The following CERS6 variants were observed in gnomAD, a reference collection of about 807,000 sequenced individuals.
CERS6 encodes the protein ceramide synthase 6, also known as LAG1 homolog, ceramide synthase 6.
Under a neutral mutation model 56.8 loss-of-function variants are expected in CERS6, and 26 were observed. The observed-to-expected ratio is 0.46, with a 90% CI of 0.34 to 0.63. The LOEUF is 0.63. Ranked by LOEUF, CERS6 falls within the 30% of genes least tolerant of loss-of-function variation. The pLI, the probability that CERS6 is intolerant of heterozygous loss-of-function variation, is 0.01. For synonymous variants in CERS6, 164 were observed against 173.3 expected, an observed-to-expected ratio of 0.95 and a Z score of 0.42; for missense variants, 415 against 467.5, an observed-to-expected ratio of 0.89 and a Z score of 1.04.
chr2:168,534,901 C>T (rs1695232572), intron 1 of CERS6, among the ~76,000 whole-genome samples: 1 of 152,188 alleles, frequency 6.6e-6, no homozygotes, highest in African/African-American at 2.4e-5. Flanking sequence ...CAAGGAGATC[C>T]GTATTCTGTC....
Position 168,456,349 on chromosome 2 carries a change from CACA to C in CERS6, c.-99_-97del. 1 of 844,682 alleles carries C rather than the reference CACA, an allele frequency of 1.2e-6. No homozygotes were observed. Among genetic ancestry groups the C allele is most frequent in the Non-Finnish European group, 1.6e-6 (1 of 641,262 alleles). 52.3% of individuals were successfully genotyped at this position (844,682 alleles called of 1,614,324 possible). On this transcript the variant is annotated 5_prime_UTR_variant, in exon 1 of 10. Transcript: ENST00000305747. This position sits in a 1 kb window ranked among gnomAD's most constrained non-coding sequence, Gnocchi z 4.1. Reference sequence around the variant, plus strand: ...CGGGCGGGAGCAGCGGCGGCGGCGGCACAGGCTCGGGGCCAGCCGGGCGCGCAT... The same window carrying C: ...CGGGCGGGAGCAGCGGCGGCGGCGGCGGCTCGGGGCCAGCCGGGCGCGCAT...
At chr2:168,693,612 A>T (rs1351623332) in intron 5 of CERS6, among the ~76,000 whole-genome samples, 1 of 152,144 alleles carries the variant, frequency 6.6e-6, no homozygotes, top group Non-Finnish European at 1.5e-5. Flanking sequence ...TAGGAAGTGT[A>T]TTCTACTCAG....
At chr2:168,586,647 G>A (rs1040265498) in intron 3 of CERS6, among the ~76,000 whole-genome samples, 9 of 152,040 alleles carry the variant, frequency 5.9e-5, no homozygotes, top group Non-Finnish European at 1.2e-4. Context: ...TTGTCCATAA[G>A]TTTCACACGT....
At chr2:168,531,852 C>T (rs531616081) in intron 1 of CERS6, among the ~76,000 whole-genome samples, 1 of 151,638 alleles carries the variant, frequency 6.6e-6, no homozygotes, top group South Asian at 2.1e-4. Context: ...GTGACCACCA[C>T]AGACGAGGGC....
chr2:168,663,235 G>C (rs929128551), intron 4 of CERS6, among the ~76,000 whole-genome samples: 1 of 152,014 alleles, frequency 6.6e-6, no homozygotes, highest in African/African-American at 2.4e-5. Flanking sequence ...AAAAATGATA[G>C]TACTTTTAAA....
intron 1 of CERS6, among the ~76,000 whole-genome samples, chr2:168,482,724 G>A (rs117827474): frequency 6.6e-6 from 1 of 152,332 alleles, no homozygotes; most frequent in East Asian, 1.9e-4. Flanking sequence ...TTTTCAGTTT[G>A]CAGGCTTATT....
At chr2:168,672,147 A>G (rs114945490) in intron 4 of CERS6, among the ~76,000 whole-genome samples, 477 of 152,336 alleles carry the variant, frequency 3.1e-3, no homozygotes, top group African/African-American at 0.01. Flanking sequence ...TACATTCTGA[A>G]TCATAGCCCT....
chr2:168,667,722 T>A (rs1228464149), intron 4 of CERS6, among the ~76,000 whole-genome samples: 2 of 152,204 alleles, frequency 1.3e-5, no homozygotes, highest in African/African-American at 4.8e-5. Context: ...AGGTATCGGG[T>A]GTGAGCCTCC....
At chr2:168,730,602 A>G (rs966134834) in intron 8 of CERS6, among the ~76,000 whole-genome samples, 1 of 152,118 alleles carries the variant, frequency 6.6e-6, no homozygotes, top group African/African-American at 2.4e-5. Context: ...CACCCTGTGG[A>G]TTTCTCATCA....
intron 3 of CERS6, among the ~76,000 whole-genome samples, chr2:168,568,833 C>T (rs1695931302): frequency 6.6e-6 from 1 of 152,218 alleles, no homozygotes; most frequent in Non-Finnish European, 1.5e-5. Flanking sequence ...AATCGCACAA[C>T]AAAAGAAAAT....
intron 4 of CERS6, among the ~76,000 whole-genome samples, chr2:168,646,275 A>G (rs1306592743): frequency 1.3e-5 from 2 of 151,676 alleles, no homozygotes; most frequent in Non-Finnish European, 2.9e-5. Flanking sequence ...TTTTATTTGC[A>G]TTTCTCTAAC....
At chr2:168,556,224 G>A (rs1383788844) in intron 2 of CERS6, among the ~76,000 whole-genome samples, 1 of 151,930 alleles carries the variant, frequency 6.6e-6, no homozygotes, top group Non-Finnish European at 1.5e-5. Flanking sequence ...ACAAAAGCAA[G>A]ACTAGAGACC....
At chr2:168,555,760 G>GTGTGTGTGTGTA in intron 2 of CERS6, among the ~76,000 whole-genome samples, 1 of 148,742 alleles carries the variant, frequency 6.7e-6, no homozygotes, top group African/African-American at 2.4e-5. Flanking sequence ...GTGTGTGTGT[G>GTGTGTGTGTGTA]TGTGTATGTA....
intron 9 of CERS6, among the ~76,000 whole-genome samples, 188 bp downstream of exon 9, chr2:168,765,936 C>T (rs1362479603): frequency 6.6e-6 from 1 of 152,122 alleles, no homozygotes; most frequent in Non-Finnish European, 1.5e-5. Context: ...CTGGCGATGG[C>T]ACCCAATGAT....
intron 1 of CERS6, among the ~76,000 whole-genome samples, chr2:168,479,374 A>ATG (rs1491546073): frequency 6.6e-6 from 1 of 152,058 alleles, no homozygotes; most frequent in Non-Finnish European, 1.5e-5. Flanking sequence ...GTAGATATGC[A>ATG]TGTGTGTGTG....
chr2:168,719,530 T>G (rs984759639), intron 8 of CERS6, among the ~76,000 whole-genome samples: 3 of 152,180 alleles, frequency 2.0e-5, no homozygotes, highest in Non-Finnish European at 4.4e-5. Context: ...GAAACAAAAT[T>G]ATTTCCCCTG....
intron 1 of CERS6, among the ~76,000 whole-genome samples, chr2:168,481,161 A>T (rs1485771496): frequency 6.6e-6 from 1 of 152,196 alleles, no homozygotes; most frequent in Non-Finnish European, 1.5e-5. Flanking sequence ...CACGCCTGTA[A>T]TCCCAACACT....
intron 4 of CERS6, among the ~76,000 whole-genome samples, chr2:168,645,894 T>A (rs1373139119): frequency 1.3e-5 from 2 of 152,242 alleles, no homozygotes; most frequent in Admixed American, 1.3e-4. Flanking sequence ...GGCTGCATTG[T>A]ATTCCTTGGT....
intron 2 of CERS6, among the ~76,000 whole-genome samples, chr2:168,550,594 C>T (rs1267238307): frequency 6.6e-6 from 1 of 152,212 alleles, no homozygotes; most frequent in Admixed American, 6.5e-5. Context: ...TTAGTGTGCA[C>T]ATGACCCACC....
Sources: allele counts gnomAD v4.1 joint callset (sites outside exome capture counted in the v4.1 genomes callset), GRCh38; gene constraint gnomAD v4.1.1; non-coding constraint Gnocchi (gnomAD v3.1); transcripts MANE v1.5; gene names NCBI Gene and HGNC (gene_info 2026-07-23, HGNC 2026-07-21).